FSTL5: variants seen among roughly 807,000 people sequenced by gnomAD.
FSTL5 encodes the protein follistatin-related protein 5.
Under a neutral mutation model 89.1 loss-of-function variants are expected in FSTL5, and 62 were observed. That is an observed-to-expected ratio of 0.70 (90% CI 0.57 to 0.86). The LOEUF (loss-of-function observed/expected upper bound fraction) is 0.86. FSTL5 is among the 40% of genes least tolerant of loss of function. The probability of loss-of-function intolerance (pLI) is 0.00; values close to 1 mark genes in which losing one functional copy is unlikely to be tolerated. For missense variants in FSTL5, 1,057 were observed against 1,001.6 expected (o/e 1.06, Z -0.75); for synonymous variants, 383 against 346.2 (o/e 1.11, Z -1.18).
intron 6 of FSTL5, among the ~76,000 whole-genome samples, chr4:161,739,906 A>G (rs1296868489): frequency 1.3e-5 from 2 of 152,200 alleles, no homozygotes; most frequent in East Asian, 3.8e-4. Flanking sequence ...CTATTCTAAA[A>G]CTTAAAGCAT....
chr4:161,680,049 A>T (rs1420374994), intron 6 of FSTL5, among the ~76,000 whole-genome samples: 1 of 151,868 alleles, frequency 6.6e-6, no homozygotes, highest in Non-Finnish European at 1.5e-5. Context: ...ATCAAAACAT[A>T]ATTTCATGAT....
At chr4:161,767,305 C>G (rs1023148257) in intron 5 of FSTL5, among the ~76,000 whole-genome samples, 7 of 152,110 alleles carry the variant, frequency 4.6e-5, no homozygotes, top group African/African-American at 1.7e-4. Flanking sequence ...TGTTGTGTGG[C>G]TGAGTGACTC....
intron 6 of FSTL5, among the ~76,000 whole-genome samples, chr4:161,749,505 G>A (rs1740318937): frequency 6.6e-6 from 1 of 152,056 alleles, no homozygotes; most frequent in African/African-American, 2.4e-5. Flanking sequence ...GACATAAAGA[G>A]AAAGATAATA....
intron 7 of FSTL5, among the ~76,000 whole-genome samples, chr4:161,629,989 G>A (rs1735449302): frequency 6.6e-6 from 1 of 152,164 alleles, no homozygotes; most frequent in African/African-American, 2.4e-5. Context: ...CCTAGCCCAG[G>A]GGCCTATAGT....
At chr4:161,974,179 C>T (rs1428357719) in intron 3 of FSTL5, among the ~76,000 whole-genome samples, 2 of 152,162 alleles carry the variant, frequency 1.3e-5, no homozygotes, top group South Asian at 2.1e-4. Flanking sequence ...AATGGCCATA[C>T]TGCCCAAGGT....
intron 13 of FSTL5, among the ~76,000 whole-genome samples, chr4:161,462,709 A>ATAC (rs147584442): frequency 1.1e-4 from 17 of 151,966 alleles, no homozygotes; most frequent in Non-Finnish European, 1.9e-4. Context: ...AATACCACTC[A>ATAC]TACTACTACT....
intron 6 of FSTL5, among the ~76,000 whole-genome samples, chr4:161,679,121 T>A (rs1161683541): frequency 6.6e-6 from 1 of 151,652 alleles, no homozygotes; most frequent in Non-Finnish European, 1.5e-5. Flanking sequence ...TTTTCAAGAT[T>A]GTAAAATTAT....
chr4:162,015,458 A>G (rs939543584), intron 3 of FSTL5, among the ~76,000 whole-genome samples: 2 of 152,174 alleles, frequency 1.3e-5, no homozygotes, highest in African/African-American at 4.8e-5. Context: ...CTTCTCTGAT[A>G]TTCATGTGTA....
intron 4 of FSTL5, among the ~76,000 whole-genome samples, chr4:161,801,878 C>T (rs187785125): frequency 5.8e-4 from 88 of 151,622 alleles, no homozygotes; most frequent in Non-Finnish European, 5.6e-4. Flanking sequence ...ACTATGCTTC[C>T]TTTCTCTTAG....
intron 7 of FSTL5, among the ~76,000 whole-genome samples, chr4:161,603,182 C>T (rs1469018353): frequency 6.6e-6 from 1 of 152,022 alleles, no homozygotes. Context: ...CACACATTGG[C>T]GTACCTTGCA....
At chr4:161,648,721 C>T (rs1051504237) in intron 7 of FSTL5, among the ~76,000 whole-genome samples, 4 of 152,026 alleles carry the variant, frequency 2.6e-5, no homozygotes, top group Middle Eastern at 3.2e-3. Context: ...GCTAGTGCCC[C>T]TCCTGTGACA....
chr4:161,400,229 G>A (rs1186825969), intron 15 of FSTL5, among the ~76,000 whole-genome samples: 2 of 151,826 alleles, frequency 1.3e-5, no homozygotes, highest in Non-Finnish European at 1.5e-5. Flanking sequence ...TGTCTTGTTT[G>A]GTTTACATTT....
chr4:161,888,519 G>T (rs1732885706), intron 4 of FSTL5, among the ~76,000 whole-genome samples: 1 of 152,020 alleles, frequency 6.6e-6, no homozygotes, highest in Non-Finnish European at 1.5e-5. Context: ...AACTTGCATT[G>T]GTATTATACA....
In FSTL5 at chr4:162,088,811, G is replaced by A. The variant is rs1241854386; in HGVS notation, c.126+22460C>T. On this transcript the variant is annotated intron_variant, in intron 2 of 15. Transcript: ENST00000306100. ...ACATTTATAGTTCTCAAATGTTTAAGTGATTCTCAGATTTACTTAGAATTA... is the reference window on the plus strand; with the variant it reads ...ACATTTATAGTTCTCAAATGTTTAAATGATTCTCAGATTTACTTAGAATTA... 2.0e-5 allele frequency among the ~76,000 whole-genome samples: 3 copies of A among 152,200 alleles called. 1 individual carries two copies. The highest frequency in any genetic ancestry group is 1.5e-5 in the Non-Finnish European group (1 of 68,002).
intron 4 of FSTL5, among the ~76,000 whole-genome samples, chr4:161,854,439 T>C (rs1227074560): frequency 6.6e-6 from 1 of 152,166 alleles, no homozygotes; most frequent in Non-Finnish European, 1.5e-5. Context: ...TGCCCCTTGA[T>C]AGAGGTTTTG....
At chr4:161,958,267 T>A (rs1382408521) in intron 3 of FSTL5, among the ~76,000 whole-genome samples, 2 of 152,092 alleles carry the variant, frequency 1.3e-5, no homozygotes, top group East Asian at 3.9e-4. Flanking sequence ...TTATAATATT[T>A]CTTTAATGTC....
chr4:161,799,007 A>G (rs1050422511), intron 4 of FSTL5, among the ~76,000 whole-genome samples: 2 of 151,684 alleles, frequency 1.3e-5, no homozygotes, highest in Non-Finnish European at 3.0e-5. Context: ...ACCCTATATT[A>G]GGTTTGATAT....
intron 12 of FSTL5, among the ~76,000 whole-genome samples, chr4:161,493,353 T>A (rs1049049675): frequency 1.3e-5 from 2 of 151,772 alleles, no homozygotes; most frequent in Non-Finnish European, 2.9e-5. Context: ...CTAACTACCT[T>A]TTTTTAGTGA....
At chr4:162,124,246 G>T (rs1731982599) in intron 1 of FSTL5, among the ~76,000 whole-genome samples, 1 of 152,124 alleles carries the variant, frequency 6.6e-6, no homozygotes, top group Admixed American at 6.5e-5. Context: ...CACAGAATTA[G>T]AATTTATATG....
Sources: allele counts gnomAD v4.1 joint callset (sites outside exome capture counted in the v4.1 genomes callset), GRCh38; gene constraint gnomAD v4.1.1; transcripts MANE v1.5; gene names NCBI Gene and HGNC (gene_info 2026-07-23, HGNC 2026-07-21).